The following TCF12 variants were observed in gnomAD, a reference collection of about 807,000 sequenced individuals.
The protein encoded by TCF12 is transcription factor 12.
Under a neutral mutation model 86.0 loss-of-function variants are expected in TCF12, and 45 were observed. The observed-to-expected ratio is 0.52, with a 90% CI of 0.41 to 0.67. The LOEUF (loss-of-function observed/expected upper bound fraction) is 0.67. Among genes scored for constraint, TCF12 ranks in the 30% least tolerant of loss-of-function variants. The probability of loss-of-function intolerance (pLI) is 0.00; values close to 1 mark genes in which losing one functional copy is unlikely to be tolerated. For synonymous variants in TCF12, 330 were observed against 299.6 expected (o/e 1.10, Z -1.05); for missense variants, 881 against 859.9 (o/e 1.02, Z -0.31).
At chr15:57,185,320 G>A (rs2056603826) in intron 6 of TCF12, among the ~76,000 whole-genome samples, 1 of 152,172 alleles carries the variant, frequency 6.6e-6, no homozygotes, top group African/African-American at 2.4e-5. Flanking sequence ...TAAAGAAACT[G>A]AAGCATTAAA....
chr15:57,067,186 A>G (rs182928266), intron 4 of TCF12, among the ~76,000 whole-genome samples: 50 of 152,328 alleles, frequency 3.3e-4, no homozygotes, highest in Non-Finnish European at 6.0e-4. Flanking sequence ...AGAAGTACCT[A>G]CAGCAATCCA....
At chr15:57,137,576 G>C (rs192094489) in intron 5 of TCF12, among the ~76,000 whole-genome samples, 1 of 152,312 alleles carries the variant, frequency 6.6e-6, no homozygotes, top group Admixed American at 6.5e-5. Flanking sequence ...TTTAACCATT[G>C]ATATTTGGTT....
At chr15:57,237,801 T>G (rs2059441591) in intron 12 of TCF12, among the ~76,000 whole-genome samples, 1 of 152,178 alleles carries the variant, frequency 6.6e-6, no homozygotes, top group Non-Finnish European at 1.5e-5. Context: ...GTAGCACAAT[T>G]TTTATAGAAT....
At chr15:57,150,001 C>G (rs192636501) in intron 5 of TCF12, among the ~76,000 whole-genome samples, 2 of 152,226 alleles carry the variant, frequency 1.3e-5, no homozygotes. Flanking sequence ...TGACAGTAGG[C>G]ACTCCATGAG....
intron 5 of TCF12, among the ~76,000 whole-genome samples, chr15:57,117,446 A>C (rs2050920725): frequency 6.6e-6 from 1 of 152,262 alleles, no homozygotes; most frequent in African/African-American, 2.4e-5. Flanking sequence ...GACAGAAAAT[A>C]GCCTCAAGAG....
chr15:57,033,979 A>G (rs1447058071), intron 3 of TCF12, among the ~76,000 whole-genome samples: 3 of 152,194 alleles, frequency 2.0e-5, no homozygotes, highest in Non-Finnish European at 4.4e-5. Context: ...GACTTGTTTA[A>G]TGGTATCCTG....
chr15:57,190,765 C>T (rs1279556694), intron 6 of TCF12, among the ~76,000 whole-genome samples: 4 of 152,130 alleles, frequency 2.6e-5, no homozygotes, highest in African/African-American at 9.7e-5. Context: ...CTGTAGCATA[C>T]CTCAGAGCTC....
At chr15:56,962,024 C>G (rs1307842907) in intron 3 of TCF12, among the ~76,000 whole-genome samples, 12 of 149,474 alleles carry the variant, frequency 8.0e-5, no homozygotes, top group African/African-American at 1.7e-4. Flanking sequence ...CCCAGCTACT[C>G]GGAGAGGCTG....
chr15:57,157,936 A>G (rs758817426), intron 5 of TCF12, among the ~76,000 whole-genome samples: 4 of 151,974 alleles, frequency 2.6e-5, no homozygotes, highest in Non-Finnish European at 5.9e-5. Context: ...TTCATTTAGA[A>G]TTTTTTACTA....
At chr15:56,970,602 C>A (rs926315465) in intron 3 of TCF12, among the ~76,000 whole-genome samples, 2 of 151,502 alleles carry the variant, frequency 1.3e-5, no homozygotes, top group Non-Finnish European at 2.9e-5. Flanking sequence ...TGGATGAATT[C>A]TTCTGCAACC....
intron 5 of TCF12, among the ~76,000 whole-genome samples, chr15:57,131,059 C>T (rs1398396941): frequency 2.0e-5 from 3 of 152,078 alleles, no homozygotes. Flanking sequence ...CTTTTCAGAG[C>T]GTTATTGTCA....
intron 6 of TCF12, among the ~76,000 whole-genome samples, chr15:57,178,210 A>G (rs1458520881): frequency 6.6e-6 from 1 of 152,154 alleles, no homozygotes; most frequent in African/African-American, 2.4e-5. Context: ...CCGGAACAAC[A>G]GAATGTTGAC....
chr15:56,960,431 T>C (rs776963721), intron 3 of TCF12, among the ~76,000 whole-genome samples: 2 of 16,482 alleles, frequency 1.2e-4, no homozygotes, highest in African/African-American at 2.4e-4. Flanking sequence ...CTGTATTGTA[T>C]TTTTTTTTTT....
chr15:57,034,819 T>A (rs146234483), intron 3 of TCF12, among the ~76,000 whole-genome samples: 37 of 152,308 alleles, frequency 2.4e-4, no homozygotes, highest in African/African-American at 8.7e-4. Flanking sequence ...TCAGTGTTAT[T>A]TCCATTTCAC....
intron 8 of TCF12, among the ~76,000 whole-genome samples, chr15:57,208,199 A>AT (rs1473570874): frequency 1.3e-5 from 2 of 151,174 alleles, no homozygotes; most frequent in South Asian, 2.1e-4. Flanking sequence ...CACCCAGCTA[A>AT]TTTTTTTGTA....
Position 57,081,699 on chromosome 15 carries a change from G to A in TCF12, c.223-10090G>A, listed in dbSNP as rs139744715. On this transcript the variant is annotated intron_variant, in intron 4 of 20. Coordinates refer to ENST00000333725, the MANE Select transcript of TCF12 (RefSeq NM_207037.2). ...ACTACAGGCGCATGCCACTACACCCGGCTAATGTTTTTTGTTTGTTTGTTT... is the reference window on the plus strand; with the variant it reads ...ACTACAGGCGCATGCCACTACACCCAGCTAATGTTTTTTGTTTGTTTGTTT... Among the ~76,000 whole-genome samples, 565 of 152,118 alleles carry A rather than the reference G, an allele frequency of 3.7e-3. 4 individuals carry two copies. The highest frequency in any genetic ancestry group is 0.013 in the African/African-American group (530 of 41,488).
intron 3 of TCF12, among the ~76,000 whole-genome samples, chr15:56,989,941 G>T (rs1375935878): frequency 6.6e-6 from 1 of 152,028 alleles, no homozygotes; most frequent in African/African-American, 2.4e-5. Context: ...TTCAGAGACG[G>T]ACTTAAACAA....
chr15:56,943,283 T>C (rs1245677657), intron 3 of TCF12, among the ~76,000 whole-genome samples: 1 of 152,204 alleles, frequency 6.6e-6, no homozygotes, highest in African/African-American at 2.4e-5. Context: ...TTCTAAAATA[T>C]GTGTAATGAT....
Position 57,280,954 on chromosome 15 carries a change from A to C in TCF12, c.1979-1491A>C, listed in dbSNP as rs140191849. On this transcript the variant is annotated intron_variant, in intron 19 of 20. Transcript: ENST00000333725. The stretch of plus-strand genomic sequence containing the variant: ...ATATGTTATAATCAAATGAAAAGCT[A>C]TATCAGAAGCTATGGATATCTTGGG... Among the ~76,000 whole-genome samples, 143 of 152,326 alleles carry C rather than the reference A, an allele frequency of 9.4e-4. 1 individual carries two copies. Among genetic ancestry groups the C allele is most frequent in the African/African-American group, 3.4e-3 (140 of 41,582 alleles).
Sources: gnomAD v4.1 joint callset for allele counts (sites outside exome capture counted in the v4.1 genomes callset) on GRCh38, gnomAD v4.1.1 for gene constraint, MANE v1.5 for transcripts, NCBI Gene and HGNC (gene_info 2026-07-23, HGNC 2026-07-21) for gene names.